Variants in ATRNL1 observed in about 807,000 individuals in gnomAD.
The protein encoded by ATRNL1 is attractin like 1.
Under a neutral mutation model 182.7 loss-of-function variants are expected in ATRNL1, and 95 were observed. That is an observed-to-expected ratio of 0.52 (90% CI 0.44 to 0.62). ATRNL1 has a LOEUF of 0.62. Ranked by LOEUF, ATRNL1 falls within the 20% of genes least tolerant of loss-of-function variation. The probability of loss-of-function intolerance (pLI) is 0.00; values close to 1 mark genes in which losing one functional copy is unlikely to be tolerated. For synonymous variants in ATRNL1, 576 were observed against 568.3 expected (o/e 1.01, Z -0.19); for missense variants, 1,471 against 1,679.5 (o/e 0.88, Z 2.17).
intron 26 of ATRNL1, among the ~76,000 whole-genome samples, chr10:115,645,163 C>A (rs1555031794): frequency 6.6e-6 from 1 of 151,926 alleles, no homozygotes. Context: ...CTATGCTATT[C>A]TGTGTTCAAC....
intron 19 of ATRNL1, among the ~76,000 whole-genome samples, chr10:115,372,409 A>G (rs1391191528): frequency 6.6e-6 from 1 of 152,060 alleles, no homozygotes; most frequent in African/African-American, 2.4e-5. Context: ...TCTATTTTTA[A>G]GCTTTAATTA....
At chr10:115,628,934 C>T (rs140950362) in intron 26 of ATRNL1, among the ~76,000 whole-genome samples, 170 of 152,196 alleles carry the variant, frequency 1.1e-3, no homozygotes, top group African/African-American at 4.0e-3. Flanking sequence ...ATAGTCTTGG[C>T]CTTCATGTCT....
At chr10:115,623,708 A>G (rs782076877) in intron 26 of ATRNL1, among the ~76,000 whole-genome samples, 4 of 152,166 alleles carry the variant, frequency 2.6e-5, no homozygotes, top group Non-Finnish European at 5.9e-5. Context: ...AAATACTAAT[A>G]AATGAGAGAG....
chr10:115,321,651 T>G (rs141016230), intron 18 of ATRNL1, among the ~76,000 whole-genome samples: 36 of 149,824 alleles, frequency 2.4e-4, no homozygotes, highest in African/African-American at 7.8e-4. Flanking sequence ...ATCATAATAC[T>G]GAAGAGGGAA....
intron 25 of ATRNL1, among the ~76,000 whole-genome samples, chr10:115,543,500 T>C (rs1554992688): frequency 6.6e-6 from 1 of 152,200 alleles, no homozygotes; most frequent in African/African-American, 2.4e-5. Flanking sequence ...CTAACATTTT[T>C]CAGTGAAATA....
chr10:115,147,052 T>C (rs1285837783), intron 5 of ATRNL1, among the ~76,000 whole-genome samples: 3 of 152,192 alleles, frequency 2.0e-5, no homozygotes, highest in Non-Finnish European at 4.4e-5. Context: ...GTTTCCATAC[T>C]GTTTACCATA....
At chr10:115,752,946 C>T (rs145704373) in intron 27 of ATRNL1, among the ~76,000 whole-genome samples, 32 of 152,084 alleles carry the variant, frequency 2.1e-4, no homozygotes, top group African/African-American at 6.5e-4. Context: ...GACTGTTCTG[C>T]GTGAGTTTGG....
intron 28 of ATRNL1, among the ~76,000 whole-genome samples, chr10:115,920,792 T>C (rs1329356278): frequency 6.6e-6 from 1 of 152,182 alleles, no homozygotes; most frequent in Non-Finnish European, 1.5e-5. Context: ...TAAAAAGAAG[T>C]CGTTTAAACC....
At chr10:115,784,562 G>C (rs539566960) in intron 27 of ATRNL1, among the ~76,000 whole-genome samples, 1 of 152,282 alleles carries the variant, frequency 6.6e-6, no homozygotes, top group Non-Finnish European at 1.5e-5. Flanking sequence ...CAATAAAAAT[G>C]TATTCTCTCT....
At chr10:115,136,015 A>G (rs1410549362) in intron 5 of ATRNL1, among the ~76,000 whole-genome samples, 1 of 147,266 alleles carries the variant, frequency 6.8e-6, no homozygotes, top group African/African-American at 2.5e-5. Flanking sequence ...GCACACCACC[A>G]TTCCCAGCTA....
intron 10 of ATRNL1, among the ~76,000 whole-genome samples, chr10:115,242,405 A>G (rs957654712): frequency 6.6e-6 from 1 of 151,944 alleles, no homozygotes; most frequent in Non-Finnish European, 1.5e-5. Flanking sequence ...TTAGGTATCC[A>G]GTAGACCCTT....
At chr10:115,160,009 C>T (rs372370845) in intron 5 of ATRNL1, 31 bp from the exon 6 acceptor site, 26 of 1,500,316 alleles carry the variant, frequency 1.7e-5, no homozygotes, top group Non-Finnish European at 2.2e-5. Flanking sequence ...TTTGTTTAAT[C>T]TAGTGTGTTG....
At chr10:115,738,704 A>AT (rs1418012147) in intron 27 of ATRNL1, among the ~76,000 whole-genome samples, 1 of 152,172 alleles carries the variant, frequency 6.6e-6, no homozygotes, top group Non-Finnish European at 1.5e-5. Flanking sequence ...TGAAATAAGA[A>AT]TTAAGTAATG....
chr10:115,606,172 A>G (rs1165684399), intron 26 of ATRNL1, among the ~76,000 whole-genome samples: 3 of 152,026 alleles, frequency 2.0e-5, no homozygotes, highest in Admixed American at 1.3e-4. Flanking sequence ...ATATTTTGCA[A>G]ATATTTTTCA....
intron 26 of ATRNL1, among the ~76,000 whole-genome samples, chr10:115,674,702 C>T (rs140324803): frequency 1.6e-3 from 248 of 152,160 alleles, no homozygotes; most frequent in African/African-American, 5.5e-3. Context: ...GCCTGGAATG[C>T]AAAGCCTTTC....
At chr10:115,224,908 C>T (rs1388298930) in intron 9 of ATRNL1, among the ~76,000 whole-genome samples, 4 of 151,982 alleles carry the variant, frequency 2.6e-5, no homozygotes, top group Non-Finnish European at 4.4e-5. Flanking sequence ...TTCTCCAGGC[C>T]GTGATCACTT....
chr10:115,407,998 T>C (rs1844924729), intron 20 of ATRNL1, among the ~76,000 whole-genome samples: 1 of 78,856 alleles, frequency 1.3e-5, no homozygotes, highest in Non-Finnish European at 3.7e-5. Flanking sequence ...TTTTTTTTTT[T>C]TTTTTTTTTT....
intron 28 of ATRNL1, among the ~76,000 whole-genome samples, chr10:115,931,287 T>C (rs975888174): frequency 6.6e-6 from 1 of 152,216 alleles, no homozygotes; most frequent in Non-Finnish European, 1.5e-5. Flanking sequence ...AAACTAAATC[T>C]GATTAAATTA....
chr10:115,462,569 G>C (rs1212498740), intron 22 of ATRNL1, among the ~76,000 whole-genome samples: 3 of 151,962 alleles, frequency 2.0e-5, no homozygotes, highest in African/African-American at 7.3e-5. Flanking sequence ...CCGAGATCAC[G>C]CCACTGCACT....
Sources: allele counts gnomAD v4.1 joint callset (sites outside exome capture counted in the v4.1 genomes callset), GRCh38; gene constraint gnomAD v4.1.1; transcripts MANE v1.5; gene names NCBI Gene and HGNC (gene_info 2026-07-23, HGNC 2026-07-21).